Variants in SSBP3 observed in about 807,000 individuals in gnomAD.
SSBP3 encodes single-stranded DNA-binding protein 3.
SSBP3 carries 5 observed loss-of-function variants against 69.6 expected under a neutral mutation model. The ratio of observed to expected loss-of-function variants is 0.07; its 90% CI spans 0.04 to 0.15. SSBP3 has a LOEUF of 0.15. SSBP3 is among the 10% of genes least tolerant of loss of function. The pLI, the probability that SSBP3 is intolerant of heterozygous loss-of-function variation, is 1.00. For synonymous variants in SSBP3, 196 were observed against 193.4 expected (o/e 1.01, Z -0.11); for missense variants, 312 against 534.0 (o/e 0.58, Z 4.10).
chr1:54,266,708 G>C (rs751420436), intron 5 of SSBP3, among the ~76,000 whole-genome samples: 2 of 151,722 alleles, frequency 1.3e-5, no homozygotes, highest in Non-Finnish European at 2.9e-5. Flanking sequence ...CTGAAGTATA[G>C]TGACATTAAG....
intron 5 of SSBP3, among the ~76,000 whole-genome samples, chr1:54,272,515 C>T (rs2100826089): frequency 6.6e-6 from 1 of 151,334 alleles, no homozygotes; most frequent in Middle Eastern, 3.4e-3. Context: ...AGAAAAACCT[C>T]AGTACAATTT....
chr1:54,254,497 A>G (rs1644885601), intron 7 of SSBP3, among the ~76,000 whole-genome samples: 2 of 152,228 alleles, frequency 1.3e-5, no homozygotes, highest in South Asian at 4.1e-4. Context: ...GGCAGATGGG[A>G]GGCAGGCCTC....
chr1:54,294,159 A>AAAAAAAAAAAAAAG (rs754650225), intron 4 of SSBP3, among the ~76,000 whole-genome samples: 3 of 86,164 alleles, frequency 3.5e-5, no homozygotes, highest in African/African-American at 8.2e-5. Context: ...AAAAAAAAAA[A>AAAAAAAAAAAAAAG]AAAGAAAGAA....
At chr1:54,277,927 C>T (rs757078115) in intron 5 of SSBP3, among the ~76,000 whole-genome samples, 52 of 151,520 alleles carry the variant, frequency 3.4e-4, no homozygotes, top group South Asian at 1.0e-3. Context: ...AGCTAAGCTG[C>T]GTGGAAAAAA....
intron 13 of SSBP3, among the ~76,000 whole-genome samples, 153 bp downstream of exon 13, chr1:54,240,752 C>A (rs982490815): frequency 6.6e-6 from 1 of 152,110 alleles, no homozygotes; most frequent in Non-Finnish European, 1.5e-5. Context: ...ATCAAGGGAC[C>A]CCCTGCCCTC....
intron 4 of SSBP3, among the ~76,000 whole-genome samples, chr1:54,401,481 G>T (rs1570064190): frequency 6.6e-6 from 1 of 151,954 alleles, no homozygotes; most frequent in South Asian, 2.1e-4. Context: ...ACTCCAAAAC[G>T]CAAGTTTCCT....
At chr1:54,343,062 G>A (rs565923881) in intron 4 of SSBP3, among the ~76,000 whole-genome samples, 17 of 152,270 alleles carry the variant, frequency 1.1e-4, no homozygotes, top group African/African-American at 3.9e-4. Context: ...CAGGATTGGC[G>A]GATCTGCGCT....
At chr1:54,235,273 G>GTTT (rs200538399) in intron 14 of SSBP3, among the ~76,000 whole-genome samples, 17 of 112,036 alleles carry the variant, frequency 1.5e-4, no homozygotes, top group African/African-American at 3.8e-4. Flanking sequence ...AAGATGTCCA[G>GTTT]TTTTTTTTTT....
intron 4 of SSBP3, among the ~76,000 whole-genome samples, chr1:54,363,889 C>T (rs1646988076): frequency 6.6e-6 from 1 of 152,164 alleles, no homozygotes; most frequent in Admixed American, 6.5e-5. Context: ...ACCTGGCTCC[C>T]TAGAGAGGCC....
intron 4 of SSBP3, among the ~76,000 whole-genome samples, chr1:54,354,509 T>G (rs904161663): frequency 3.3e-5 from 5 of 151,904 alleles, no homozygotes; most frequent in African/African-American, 1.2e-4. Flanking sequence ...ACACTACCAC[T>G]CTTGTCATGT....
chr1:54,304,411 A>AG (rs986167014), intron 4 of SSBP3, among the ~76,000 whole-genome samples: 6 of 122,232 alleles, frequency 4.9e-5, no homozygotes, highest in African/African-American at 9.3e-5. Context: ...GGGGGTGGGG[A>AG]GGGGGGCTCT....
intron 4 of SSBP3, among the ~76,000 whole-genome samples, chr1:54,337,221 G>A (rs1569856928): frequency 6.6e-6 from 1 of 152,246 alleles, no homozygotes; most frequent in African/African-American, 2.4e-5. Context: ...CACCCCAACG[G>A]TTCACAGGGC....
At chr1:54,383,017 A>G (rs1237947481) in intron 4 of SSBP3, among the ~76,000 whole-genome samples, 2 of 149,940 alleles carry the variant, frequency 1.3e-5, no homozygotes, top group Non-Finnish European at 3.0e-5. Flanking sequence ...GAGAGAGAGA[A>G]AGAAAGAAAG....
chr1:54,404,670 A>G (rs1469578097), intron 2 of SSBP3, 33 bp from the exon 3 acceptor site: 2 of 1,613,370 alleles, frequency 1.2e-6, no homozygotes, highest in South Asian at 2.2e-5. Flanking sequence ...AGCTTAGAGG[A>G]GCAGAGACGG....
At chr1:54,248,712 CAG>C (rs1484137554) in intron 9 of SSBP3, among the ~76,000 whole-genome samples, 2 of 152,152 alleles carry the variant, frequency 1.3e-5, no homozygotes, top group East Asian at 3.9e-4. Context: ...TGTCTGGGCC[CAG>C]TGCTACATCA....
At chr1:54,231,796 G>A (rs1644383251) in intron 14 of SSBP3, among the ~76,000 whole-genome samples, 2 of 152,192 alleles carry the variant, frequency 1.3e-5, no homozygotes, top group Admixed American at 1.3e-4. Flanking sequence ...CTGGGTTCAA[G>A]CGATTCTCAT....
intron 4 of SSBP3, among the ~76,000 whole-genome samples, chr1:54,328,692 C>A (rs975310968): frequency 1.3e-5 from 2 of 152,210 alleles, no homozygotes; most frequent in African/African-American, 2.4e-5. Context: ...GTTGCCAAGG[C>A]GCCTTTATAA....
intron 4 of SSBP3, among the ~76,000 whole-genome samples, chr1:54,346,339 A>AC (rs1263801260): frequency 6.6e-6 from 1 of 151,892 alleles, no homozygotes; most frequent in Non-Finnish European, 1.5e-5. Flanking sequence ...AAAAAAAAAA[A>AC]AATTACTGTA....
chr1:54,227,137 A>G, exon 18 of SSBP3: 1 of 1,347,950 alleles, frequency 7.4e-7, no homozygotes. Context: ...GGGATCACAC[A>G]CTCATCGTCA....
Sources: allele counts gnomAD v4.1 joint callset (sites outside exome capture counted in the v4.1 genomes callset), GRCh38; gene constraint gnomAD v4.1.1; transcripts MANE v1.5; gene names NCBI Gene and HGNC (gene_info 2026-07-23, HGNC 2026-07-21).